ARID2: variants seen among roughly 807,000 people sequenced by gnomAD.
ARID2 encodes the protein AT-rich interactive domain-containing protein 2.
ARID2 carries 32 observed loss-of-function variants against 184.6 expected under a neutral mutation model. The observed-to-expected ratio is 0.17, with a 90% CI of 0.13 to 0.23. ARID2 has a LOEUF of 0.23. Ranked by LOEUF, ARID2 falls within the 10% of genes least tolerant of loss-of-function variation. The pLI is 1.00. For synonymous variants in ARID2, 836 were observed against 772.6 expected (o/e 1.08, Z -1.36); for missense variants, 1,696 against 2,197.6 (o/e 0.77, Z 4.56).
chr12:45,837,108 A>G (rs899634456), intron 8 of ARID2, 117 bp downstream of exon 8: 1 of 1,336,072 alleles, frequency 7.5e-7, no homozygotes, highest in African/African-American at 1.5e-5. Context: ...GCTTACATGT[A>G]TTAGTTGCTA....
At chr12:45,790,364 T>C (rs1942273048) in intron 3 of ARID2, among the ~76,000 whole-genome samples, 2 of 152,290 alleles carry the variant, frequency 1.3e-5, no homozygotes, top group South Asian at 4.1e-4. Flanking sequence ...ATTCAATATG[T>C]TGTGTTCTTC....
chr12:45,760,922 TGCGATCATAGCTCACTGGA>T (rs1337260175), intron 3 of ARID2, among the ~76,000 whole-genome samples: 1 of 152,104 alleles, frequency 6.6e-6, no homozygotes, highest in African/African-American at 2.4e-5. Flanking sequence ...AGTGCAGTGG[TGCGATCATAGCTCACTGGA>T]GCCCGAATCT....
At chr12:45,891,354 G>A (rs376524149) in intron 16 of ARID2, among the ~76,000 whole-genome samples, 2 of 152,186 alleles carry the variant, frequency 1.3e-5, no homozygotes, top group African/African-American at 4.8e-5. Flanking sequence ...ACATCATAGG[G>A]TATGTGCTGG....
intron 3 of ARID2, among the ~76,000 whole-genome samples, chr12:45,808,751 G>A (rs1413392441): frequency 6.6e-6 from 1 of 151,766 alleles, no homozygotes; most frequent in African/African-American, 2.4e-5. Context: ...GTGTGTGTGT[G>A]TGTGTGTGTA....
Position 45,902,005 on chromosome 12 carries a change from C to CTGTT in ARID2, c.5364-2927_5364-2924dup, listed in dbSNP as rs57025546. ...AAATAAATTTCTTTTACCCTTCGTACTGTTTTGAGGAGGGAATGGAAAGAA... is the reference window on the plus strand; with the variant it reads ...AAATAAATTTCTTTTACCCTTCGTACTGTTTGTTTTGAGGAGGGAATGGAAAGAA... On this transcript the variant is annotated intron_variant, in intron 20 of 20. Coordinates refer to ENST00000334344, the MANE Select transcript of ARID2 (RefSeq NM_152641.4). 6.9e-3 allele frequency among the ~76,000 whole-genome samples: 1,050 copies of CTGTT among 152,236 alleles called. 11 individuals are homozygous for CTGTT. The highest frequency in any genetic ancestry group is 0.023 in the African/African-American group (952 of 41,534).
chr12:45,809,125 C>T (rs988632315), intron 3 of ARID2, among the ~76,000 whole-genome samples: 2 of 152,120 alleles, frequency 1.3e-5, no homozygotes, highest in African/African-American at 4.8e-5. Context: ...GAAGAGCATC[C>T]TAAACCTGTT....
Position 45,901,679 on chromosome 12 carries a change from A to G in ARID2, c.5364-3255A>G, listed in dbSNP as rs548308510. ...GGGTTTGCTTATCCTCCGCCCCCCA[A>G]GACAAGAGTCTTGCTCTGTTACCCA... On this transcript the variant is annotated intron_variant, in intron 20 of 20. Coordinates refer to ENST00000334344, the MANE Select transcript of ARID2 (RefSeq NM_152641.4). 1.1e-4 allele frequency among the ~76,000 whole-genome samples: 17 copies of G among 152,014 alleles called. No homozygotes were observed. In the East Asian group the frequency reaches 3.3e-3, roughly 30 times the overall value.
At chr12:45,754,182 G>T (rs1279206920) in intron 3 of ARID2, among the ~76,000 whole-genome samples, 1 of 152,146 alleles carries the variant, frequency 6.6e-6, no homozygotes, top group Non-Finnish European at 1.5e-5. Flanking sequence ...GAATGCATAA[G>T]TAATAGTATC....
At position 45,905,150 on chromosome 12, in the gene ARID2, C is replaced by A; in HGVS notation, c.*72C>A. 6.7e-7 allele frequency: 1 copy of A among 1,489,720 alleles called. No individual in the cohort carries two copies. The highest frequency in any genetic ancestry group is 9.1e-7 in the Non-Finnish European group (1 of 1,100,272). 92.3% of individuals were successfully genotyped at this position (1,489,720 alleles called of 1,614,324 possible). The stretch of plus-strand genomic sequence containing the variant: ...TCACATACTGTTACTGAAGAAAGCA[C>A]CAAGTCTTAATGGAACAAAGACCAT... On this transcript the variant is annotated 3_prime_UTR_variant, in exon 21 of 21. Transcript: ENST00000334344.
chr12:45,799,702 T>C (rs560775421), intron 3 of ARID2, among the ~76,000 whole-genome samples: 25 of 152,266 alleles, frequency 1.6e-4, no homozygotes, highest in Admixed American at 5.9e-4. Flanking sequence ...GCATTGCAAA[T>C]GTGTAAGTAC....
At chr12:45,878,046 T>A (rs766231110) in intron 16 of ARID2, among the ~76,000 whole-genome samples, 23 of 152,208 alleles carry the variant, frequency 1.5e-4, no homozygotes, top group Admixed American at 6.5e-4. Flanking sequence ...AATATCTCAT[T>A]CCATTCTTCT....
intron 3 of ARID2, among the ~76,000 whole-genome samples, chr12:45,778,828 A>C (rs145229518): frequency 6.6e-6 from 1 of 151,996 alleles, no homozygotes; most frequent in Non-Finnish European, 1.5e-5. Context: ...ATTATAGAAA[A>C]TCTGGAAACA....
chr12:45,753,331 G>A (rs1335810272), intron 3 of ARID2, among the ~76,000 whole-genome samples: 1 of 151,968 alleles, frequency 6.6e-6, no homozygotes, highest in Non-Finnish European at 1.5e-5. Flanking sequence ...CCTCATGATG[G>A]TCTGTAGCGT....
intron 3 of ARID2, among the ~76,000 whole-genome samples, chr12:45,780,701 C>CGGCAGAGG (rs1942072583): frequency 6.6e-6 from 1 of 152,044 alleles, no homozygotes; most frequent in Non-Finnish European, 1.5e-5. Context: ...TCACTGCAAC[C>CGGCAGAGG]TCTGCCTGCC....
intron 6 of ARID2, among the ~76,000 whole-genome samples, chr12:45,827,645 A>G (rs1025868527): frequency 6.6e-6 from 1 of 152,116 alleles, no homozygotes; most frequent in Non-Finnish European, 1.5e-5. Context: ...ACGTTAGATA[A>G]TATGACCAGA....
chr12:45,761,081 A>G lies in ARID2; in HGVS notation c.284+29767A>G, dbSNP rs577501578. On this transcript the variant is annotated intron_variant, in intron 3 of 20. Coordinates refer to ENST00000334344, the MANE Select transcript of ARID2 (RefSeq NM_152641.4). ...ATATGTCTTCTGAGTTTAACCTATT[A>G]GAATTTAATGTGATTATTTCTATGT... is the stretch of plus-strand genomic sequence containing the variant. 1.8e-4 allele frequency among the ~76,000 whole-genome samples: 28 copies of G among 152,306 alleles called. 1 individual carries two copies. In the South Asian group the frequency reaches 5.4e-3, roughly 29 times the overall value.
At chr12:45,784,477 G>A (rs1414945827) in intron 3 of ARID2, among the ~76,000 whole-genome samples, 1 of 152,038 alleles carries the variant, frequency 6.6e-6, no homozygotes, top group Non-Finnish European at 1.5e-5. Flanking sequence ...GAAGCTGGGG[G>A]CGGTGGCCTG....
At chr12:45,768,471 A>T (rs1046900385) in intron 3 of ARID2, among the ~76,000 whole-genome samples, 1 of 152,168 alleles carries the variant, frequency 6.6e-6, no homozygotes, top group Non-Finnish European at 1.5e-5. Context: ...AGAGAAGTGC[A>T]CCATTGTTCC....
intron 15 of ARID2, among the ~76,000 whole-genome samples, chr12:45,856,430 T>C (rs992422920): frequency 2.0e-5 from 3 of 152,232 alleles, no homozygotes; most frequent in Non-Finnish European, 4.4e-5. Context: ...TTTTATTCAC[T>C]ATTTGAATTG....
Sources: allele counts gnomAD v4.1 joint callset (sites outside exome capture counted in the v4.1 genomes callset), GRCh38; gene constraint gnomAD v4.1.1; transcripts MANE v1.5; gene names NCBI Gene and HGNC (gene_info 2026-07-23, HGNC 2026-07-21).